The following ATG16L2 variants were observed in gnomAD, a reference collection of about 807,000 sequenced individuals.
ATG16L2 encodes the protein autophagy related 16 like 2, also known as protein Atg16l2.
ATG16L2 carries 77 observed loss-of-function variants against 84.7 expected under a neutral mutation model. The ratio of observed to expected loss-of-function variants is 0.91; its 90% CI spans 0.76 to 1.10. The LOEUF (loss-of-function observed/expected upper bound fraction) is 1.10. ATG16L2 is among the 50% of genes least tolerant of loss of function. The pLI, the probability that ATG16L2 is intolerant of heterozygous loss-of-function variation, is 0.00. For missense variants in ATG16L2, 782 were observed against 817.6 expected (o/e 0.96, Z 0.53); for synonymous variants, 361 against 342.8 (o/e 1.05, Z -0.59).
chr11:72,822,843 C>T lies in ATG16L2; in HGVS notation c.711-5C>T, dbSNP rs1232113527. ...GGCCTTTCTGAACTTCATTACCTCT[C>T]CTAGGGGCCCGGACACCCTAGGCGA... On this transcript the variant is annotated splice_region_variant and splice_polypyrimidine_tract_variant and intron_variant, in intron 6 of 17. Transcript: ENST00000321297. This position sits in a 1 kb window ranked among gnomAD's most constrained non-coding sequence, Gnocchi z 4.2. 1.2e-5 allele frequency: 18 copies of T among 1,550,584 alleles called. No homozygotes were observed. The highest frequency in any genetic ancestry group is 1.6e-5 in the Non-Finnish European group (18 of 1,146,898).
Position 72,816,734 on chromosome 11 carries a change from A to G in ATG16L2, c.125A>G (p.His42Arg), listed in dbSNP as rs765200178. The change falls in exon 2 of 18, where the codon CAT (histidine) becomes CGT (arginine). Residue 42 changes from histidine (H) to arginine (R), a missense_variant. His to Arg is a conservative substitution (Grantham distance 29). Transcript: ENST00000321297. ...LFLELVPAYNHLLEKAELLDK... is the reference protein window; with the variant it reads ...LFLELVPAYNRLLEKAELLDK... ...ACTCTCTTGCACTCTCCAGATAACC[A>G]TCTCTTAGAGAAGGCTGAGCTGCTG... The G allele has an allele frequency of 5.0e-6, 8 of 1,613,982 alleles. No individual in the cohort carries two copies. Among genetic ancestry groups the G allele is most frequent in the Non-Finnish European group, 6.8e-6 (8 of 1,179,900 alleles).
chr11:72,821,639 C>T, intron 3 of ATG16L2, 29 bp from the exon 4 acceptor site: 2 of 1,524,080 alleles, frequency 1.3e-6, no homozygotes, highest in South Asian at 1.2e-5. Context: ...GGGGCCTCAG[C>T]GCCGCCGTGC....
chr11:72,823,987 G>C, intron 7 of ATG16L2, 73 bp from the exon 8 acceptor site: 1 of 1,544,734 alleles, frequency 6.5e-7, no homozygotes, highest in South Asian at 1.1e-5. Context: ...CTGGCAAAGT[G>C]TGGAGATGAT....
At chr11:72,814,601 G>C (rs1475578211) in intron 1 of ATG16L2, 38 bp downstream of exon 1, 1 of 1,503,140 alleles carries the variant, frequency 6.7e-7, no homozygotes, top group South Asian at 1.2e-5. Context: ...GGCGGCTGAG[G>C]GGACGCGGCT....
At chr11:72,833,299 A>G (rs998553225), downstream of ATG16L2, among the ~76,000 whole-genome samples, 1 of 152,252 alleles carries the variant, frequency 6.6e-6, no homozygotes, top group African/African-American at 2.4e-5. Flanking sequence ...GCCTGGATAC[A>G]GGCTCTTCCA....
At chr11:72,843,400 A>G (rs372841337) in exon 6 of ATG16L2, 50 of 1,607,940 alleles carry the variant, frequency 3.1e-5, no homozygotes, top group Non-Finnish European at 4.0e-5. Context: ...GACCAAAACA[A>G]ACTCCTAAAA....
chr11:72,825,725 G>T (rs1860308469), intron 10 of ATG16L2, among the ~76,000 whole-genome samples: 2 of 152,100 alleles, frequency 1.3e-5, no homozygotes, highest in Non-Finnish European at 2.9e-5. Flanking sequence ...AGGTCCCTGA[G>T]TCTACCAGGT....
Position 72,824,757 on chromosome 11 carries a change from C to G in ATG16L2, c.911C>G (p.Ser304Ter), listed in dbSNP as rs977682407. 2.5e-6 allele frequency: 4 copies of G among 1,613,760 alleles called. No individual in the cohort carries two copies. The highest frequency in any genetic ancestry group is 2.2e-5 in the East Asian group (1 of 44,872). ...LLDFKKRRGHSIGGAPEQRYQ... is the reference protein window; with the variant it reads ...LLDFKKRRGH ...AGTTTTAAGAAGAGGAGAGGTCACT[C>G]AATTGGGGGAGCCCCTGAGCAGCGA... Residue 304 changes from serine to a stop codon, truncating the protein, a stop_gained, in exon 9 of 18, where the codon TCA (serine) becomes TGA (stop). Coordinates refer to ENST00000321297, the MANE Select transcript of ATG16L2 (RefSeq NM_033388.2). LOFTEE classifies it high-confidence loss of function.
At chr11:72,836,359 T>C (rs1318129661) in intron 5 of ATG16L2, among the ~76,000 whole-genome samples, 1 of 152,198 alleles carries the variant, frequency 6.6e-6, no homozygotes, top group Non-Finnish European at 1.5e-5. Flanking sequence ...TGGAAGCCAG[T>C]GGTCACATCC....
At chr11:72,842,896 T>G (rs1861005768) in exon 6 of ATG16L2, 3 of 1,355,756 alleles carry the variant, frequency 2.2e-6, no homozygotes, top group Non-Finnish European at 3.1e-6. Context: ...CGGTTGCTTT[T>G]GCAACCACCC....
At chr11:72,814,727 C>T (rs1859604202) in intron 1 of ATG16L2, among the ~76,000 whole-genome samples, 164 bp downstream of exon 1, 1 of 152,242 alleles carries the variant, frequency 6.6e-6, no homozygotes, top group South Asian at 2.1e-4. Context: ...CCGCCCCTTG[C>T]CATCCAGGCT....
intron 5 of ATG16L2, chr11:72,838,644 T>G: frequency 1.6e-5 from 10 of 608,862 alleles, no homozygotes; most frequent in South Asian, 6.4e-5. Context: ...GTGGGAGGAG[T>G]CTACCAGGCC....
intron 5 of ATG16L2, chr11:72,838,181 GTC>G (rs2135142210): frequency 6.6e-6 from 1 of 152,620 alleles, no homozygotes; most frequent in East Asian, 1.9e-4. Context: ...GTTATTTTAA[GTC>G]TGTTAGTTGT....
chr11:72,824,336 C>G lies in ATG16L2; in HGVS notation c.887+214C>G. ...AGGTTCTGTCCTCACAAGGGTCTGTCTTCATCCAAGGTCGTCACAGGGGAC... is the reference window on the plus strand; with the variant it reads ...AGGTTCTGTCCTCACAAGGGTCTGTGTTCATCCAAGGTCGTCACAGGGGAC... On this transcript the variant is annotated intron_variant, in intron 8 of 17. Transcript: ENST00000321297. 4 of 613,842 alleles carry G rather than the reference C, an allele frequency of 6.5e-6. No homozygotes were observed. The East Asian group carries it at 8.3e-5, about 13-fold the overall frequency. The allele number at this position is 613,842 out of a possible 1,614,324, so 38.0% of individuals were successfully genotyped here.
chr11:72,819,100 A>T (rs1859837435), intron 3 of ATG16L2: 2 of 152,160 alleles, frequency 1.3e-5, no homozygotes, highest in Non-Finnish European at 2.9e-5. Flanking sequence ...TCCACAGTCC[A>T]TTCCATACTA....
intron 5 of ATG16L2, among the ~76,000 whole-genome samples, chr11:72,841,898 GAAC>G (rs1398771936): frequency 2.0e-5 from 3 of 152,112 alleles, no homozygotes; most frequent in Non-Finnish European, 4.4e-5. Flanking sequence ...ACTTAGCAAA[GAAC>G]AACAACAACA....
chr11:72,821,611 A>C, intron 3 of ATG16L2, 57 bp from the exon 4 acceptor site: 1 of 1,509,546 alleles, frequency 6.6e-7, no homozygotes, highest in African/African-American at 1.4e-5. Flanking sequence ...TCGGCCCCGG[A>C]GGGACTGGAG....
chr11:72,819,806 C>T (rs1184695687), intron 3 of ATG16L2, among the ~76,000 whole-genome samples: 10 of 151,860 alleles, frequency 6.6e-5, no homozygotes, highest in African/African-American at 4.8e-5. Context: ...AGTACAGTCG[C>T]GTCATCTCGG....
At chr11:72,836,976 A>C (rs1393775982) in intron 5 of ATG16L2, 1 of 152,552 alleles carries the variant, frequency 6.6e-6, no homozygotes, top group Admixed American at 6.5e-5. Context: ...ATATTTTAAA[A>C]TACAACAAAA....
Sources: allele counts gnomAD v4.1 joint callset (sites outside exome capture counted in the v4.1 genomes callset), GRCh38; gene constraint gnomAD v4.1.1; non-coding constraint Gnocchi (gnomAD v3.1); transcripts MANE v1.5; gene names NCBI Gene and HGNC (gene_info 2026-07-23, HGNC 2026-07-21).